SAXO1: variants seen among roughly 807,000 people sequenced by gnomAD.
The protein encoded by SAXO1 is 4930500O09Rik.
SAXO1 carries 21 observed loss-of-function variants against 17.5 expected under a neutral mutation model. The observed-to-expected ratio is 1.20, with a 90% CI of 0.85 to 1.72. The LOEUF is 1.72. Ranked by LOEUF, SAXO1 falls within the 40% of genes most tolerant of loss-of-function variation. The pLI, the probability that SAXO1 is intolerant of heterozygous loss-of-function variation, is 0.00. For synonymous variants in SAXO1, 274 were observed against 216.5 expected, an observed-to-expected ratio of 1.27 and a Z score of -2.33; for missense variants, 843 against 596.0, an observed-to-expected ratio of 1.41 and a Z score of -4.32.
chr9:18,940,458 C>T (rs753065469), intron 3 of SAXO1, among the ~76,000 whole-genome samples: 1 of 152,216 alleles, frequency 6.6e-6, no homozygotes, highest in African/African-American at 2.4e-5. Flanking sequence ...ATCAGAGAAA[C>T]TCAACTAAGC....
chr9:18,948,660 C>T (rs1831895829), intron 2 of SAXO1, among the ~76,000 whole-genome samples: 1 of 152,132 alleles, frequency 6.6e-6, no homozygotes, highest in African/African-American at 2.4e-5. Flanking sequence ...CCTGGAGTTG[C>T]ATCTGGGGGC....
chr9:18,977,366 ACTG>A (rs1411485574), intron 1 of SAXO1, among the ~76,000 whole-genome samples: 2 of 150,768 alleles, frequency 1.3e-5, no homozygotes, highest in Non-Finnish European at 3.0e-5. Context: ...TGCTGGGCAT[ACTG>A]CTAATAGCTT....
At chr9:18,992,799 G>C (rs1326373253) in intron 1 of SAXO1, among the ~76,000 whole-genome samples, 1 of 151,558 alleles carries the variant, frequency 6.6e-6, no homozygotes, top group East Asian at 1.9e-4. Flanking sequence ...ACAAAGTTTA[G>C]CTCTTGTTGC....
chr9:19,020,292 T>C (rs1433395308), intron 1 of SAXO1, among the ~76,000 whole-genome samples: 1 of 152,172 alleles, frequency 6.6e-6, no homozygotes, highest in Non-Finnish European at 1.5e-5. Context: ...TCATGCTTAC[T>C]CTTGCTAAGT....
chr9:19,003,383 G>C (rs1032068023), intron 1 of SAXO1, among the ~76,000 whole-genome samples: 1 of 152,056 alleles, frequency 6.6e-6, no homozygotes, highest in Non-Finnish European at 1.5e-5. Flanking sequence ...CACAGAATTG[G>C]AAAAAACTAC....
chr9:19,036,146 C>T (rs961030742), upstream of SAXO1, among the ~76,000 whole-genome samples: 5 of 150,886 alleles, frequency 3.3e-5, no homozygotes, highest in Non-Finnish European at 5.9e-5. Context: ...AGGAGAAATA[C>T]CTAATGTAGA....
At chr9:18,949,384 A>G (rs1438313089) in intron 2 of SAXO1, among the ~76,000 whole-genome samples, 1 of 40,454 alleles carries the variant, frequency 2.5e-5, no homozygotes, top group Non-Finnish European at 1.4e-4. Flanking sequence ...TTGAGCCCAG[A>G]AATTCGAGGC....
chr9:18,960,347 G>A (rs1001899124), intron 1 of SAXO1, among the ~76,000 whole-genome samples: 1 of 152,110 alleles, frequency 6.6e-6, no homozygotes, highest in Non-Finnish European at 1.5e-5. Context: ...TACCACTCTG[G>A]AATGTTCTAT....
chr9:18,967,870 G>T (rs576899335), intron 1 of SAXO1, among the ~76,000 whole-genome samples: 1 of 152,298 alleles, frequency 6.6e-6, no homozygotes, highest in Non-Finnish European at 1.5e-5. Flanking sequence ...CCAGAGCCCT[G>T]GTGGTATAGG....
rs373188005 is a variant in SAXO1, at chr9:18,950,815, T to C, written c.161A>G (p.Lys54Arg). ...CCCTTTCTGGTACTCCCGCCTTGGC[T>C]TGAAGGACTCTCTGGGCAGGTAGGA... ...YHSYLPRESFKPRREYQKGPI... is the reference protein window; with the variant it reads ...YHSYLPRESFRPRREYQKGPI... Residue 54 changes from lysine (K) to arginine (R), a missense_variant, in exon 2 of 4, where the codon AAG becomes AGG. Lys to Arg is a conservative substitution (Grantham distance 26, BLOSUM62 2). Coordinates refer to ENST00000380534, the MANE Select transcript of SAXO1 (RefSeq NM_153707.4). 6.2e-7 allele frequency: 1 copy of C among 1,613,828 alleles called. No individual in the cohort carries two copies. Among genetic ancestry groups the C allele is most frequent in the South Asian group, 1.1e-5 (1 of 91,058 alleles).
intron 1 of SAXO1, among the ~76,000 whole-genome samples, chr9:19,003,984 C>G (rs551063487): frequency 6.6e-6 from 1 of 152,276 alleles, no homozygotes; most frequent in African/African-American, 2.4e-5. Context: ...ATTTTGCAAT[C>G]TATCCATCTA....
At chr9:18,965,149 A>C (rs1832661897) in intron 1 of SAXO1, among the ~76,000 whole-genome samples, 1 of 152,144 alleles carries the variant, frequency 6.6e-6, no homozygotes, top group Admixed American at 6.5e-5. Context: ...ATTCTTTTGC[A>C]TTTGCTGAGA....
At chr9:18,984,936 T>G (rs79551085) in intron 1 of SAXO1, among the ~76,000 whole-genome samples, 1 of 152,156 alleles carries the variant, frequency 6.6e-6, no homozygotes, top group Admixed American at 6.5e-5. Flanking sequence ...TTTAAAGTGA[T>G]AGAGGTGCGA....
chr9:18,941,905 A>T (rs1563932147), intron 2 of SAXO1, 66 bp from the exon 3 acceptor site: 9 of 1,454,148 alleles, frequency 6.2e-6, no homozygotes, highest in Non-Finnish European at 7.7e-6. Flanking sequence ...TTTTCTGCTC[A>T]ACCCAACTCT....
upstream of SAXO1, among the ~76,000 whole-genome samples, chr9:19,037,876 G>T (rs1835980979): frequency 6.6e-6 from 1 of 152,100 alleles, no homozygotes; most frequent in Non-Finnish European, 1.5e-5. Flanking sequence ...TTACAAATCA[G>T]AACACTGAAG....
chr9:18,955,049 A>G (rs1832201665), intron 1 of SAXO1, among the ~76,000 whole-genome samples: 1 of 152,196 alleles, frequency 6.6e-6, no homozygotes, highest in African/African-American at 2.4e-5. Flanking sequence ...GGGTAAAAAA[A>G]AGCCAGGCAT....
chr9:18,981,894 C>T (rs914516900), intron 1 of SAXO1, among the ~76,000 whole-genome samples: 14 of 152,376 alleles, frequency 9.2e-5, no homozygotes, highest in Admixed American at 2.0e-4. Context: ...TTTTCCTCTA[C>T]ATCTTGCCAC....
chr9:18,985,114 G>T (rs1833541884), intron 1 of SAXO1, among the ~76,000 whole-genome samples: 1 of 151,976 alleles, frequency 6.6e-6, no homozygotes, highest in Admixed American at 6.6e-5. Context: ...TGAATAGGGA[G>T]GCCCAAGGAG....
chr9:18,957,275 A>G (rs1832292925), intron 1 of SAXO1, among the ~76,000 whole-genome samples: 1 of 152,212 alleles, frequency 6.6e-6, no homozygotes, highest in African/African-American at 2.4e-5. Context: ...CGAGAGTGTC[A>G]TTAGATAAAG....
Sources: allele counts gnomAD v4.1 joint callset (sites outside exome capture counted in the v4.1 genomes callset), GRCh38; gene constraint gnomAD v4.1.1; transcripts MANE v1.5; gene names NCBI Gene and HGNC (gene_info 2026-07-23, HGNC 2026-07-21).